CFAP92: variants seen among roughly 807,000 people sequenced by gnomAD.
CFAP92 encodes the protein cilia and flagella associated protein 92 (putative), also known as uncharacterized protein CFAP92.
CFAP92 carries 86 observed loss-of-function variants against 106.3 expected under a neutral mutation model. The ratio of observed to expected loss-of-function variants is 0.81; its 90% CI spans 0.68 to 0.97. CFAP92 has a LOEUF of 0.97. CFAP92 is among the 50% of genes least tolerant of loss of function. The pLI is 0.00. For synonymous variants in CFAP92, 477 were observed against 506.4 expected, an observed-to-expected ratio of 0.94 and a Z score of 0.78; for missense variants, 1,204 against 1,283.8, an observed-to-expected ratio of 0.94 and a Z score of 0.95.
chr3:128,912,489 T>C, intron 15 of CFAP92: 1 of 1,608,062 alleles, frequency 6.2e-7, no homozygotes, highest in South Asian at 1.1e-5. Flanking sequence ...ACCCACCATC[T>C]CTCCTTTTCC....
At chr3:129,013,336 G>C in the CFAP92 span, among the ~76,000 whole-genome samples, 25,638 of 152,124 alleles carry the variant, frequency 0.17, 6,422 homozygotes, top group African/African-American at 0.55. Context: ...ATGACTAAAA[G>C]CACTCTCACT....
At chr3:128,961,836 T>G (rs1309714644) in intron 9 of CFAP92, among the ~76,000 whole-genome samples, 2 of 152,098 alleles carry the variant, frequency 1.3e-5, no homozygotes, top group African/African-American at 4.8e-5. Flanking sequence ...TCCTTCAAGG[T>G]GTACAATAAT....
chr3:128,924,418 TA>T (rs1937524538), intron 12 of CFAP92, among the ~76,000 whole-genome samples: 1 of 143,456 alleles, frequency 7.0e-6, no homozygotes, highest in Non-Finnish European at 1.5e-5. Context: ...CCCAGGCTCA[TA>T]GAACGATTGT....
intron 12 of CFAP92, among the ~76,000 whole-genome samples, chr3:128,924,666 C>T (rs1430260084): frequency 7.3e-5 from 11 of 151,698 alleles, no homozygotes; most frequent in Middle Eastern, 3.2e-3. Context: ...AGGCTAGTCC[C>T]GAACTCCCAA....
chr3:128,915,917 C>G (rs1936778979), intron 13 of CFAP92, 190 bp downstream of exon 13: 2 of 442,396 alleles, frequency 4.5e-6, no homozygotes, highest in East Asian at 3.4e-5. Context: ...TGGGCTTACC[C>G]TCAGGTGTGG....
chr3:128,943,057 T>C (rs1291950426), intron 10 of CFAP92, among the ~76,000 whole-genome samples: 1 of 151,202 alleles, frequency 6.6e-6, no homozygotes, highest in African/African-American at 2.4e-5. Flanking sequence ...GTAGCTGGGA[T>C]TACAGGCACA....
At chr3:128,972,564 G>A (rs34193129) in intron 7 of CFAP92, among the ~76,000 whole-genome samples, 102,490 of 151,090 alleles carry the variant, frequency 0.68, 36,432 homozygotes, top group African/African-American at 0.92. Flanking sequence ...TTTTTAAGAG[G>A]TGATGTTTCG....
chr3:128,942,118 A>G (rs922824173), intron 10 of CFAP92, among the ~76,000 whole-genome samples: 4 of 152,212 alleles, frequency 2.6e-5, no homozygotes, highest in African/African-American at 7.2e-5. Context: ...AAGGTTTCTG[A>G]GACCGCCCTC....
chr3:128,916,860 G>A (rs1218946162), intron 12 of CFAP92, among the ~76,000 whole-genome samples: 1 of 152,174 alleles, frequency 6.6e-6, no homozygotes, highest in African/African-American at 2.4e-5. Flanking sequence ...GGAGAACTGG[G>A]AAAGTTACCA....
intron 12 of CFAP92, among the ~76,000 whole-genome samples, chr3:128,929,898 C>A (rs1248493140): frequency 6.6e-6 from 1 of 152,090 alleles, no homozygotes; most frequent in Admixed American, 6.5e-5. Context: ...TATATACTTA[C>A]AATAGGTGAA....
intron 8 of CFAP92, among the ~76,000 whole-genome samples, chr3:128,966,417 T>C (rs1315315323): frequency 6.6e-6 from 1 of 152,192 alleles, no homozygotes; most frequent in South Asian, 2.1e-4. Flanking sequence ...CAGATACTGA[T>C]GTAGAACACA....
At chr3:129,001,062 C>T (rs1271770231) in intron 1 of CFAP92, among the ~76,000 whole-genome samples, 4 of 152,190 alleles carry the variant, frequency 2.6e-5, no homozygotes, top group African/African-American at 9.7e-5. Flanking sequence ...TACAGGGCGG[C>T]GAGAGCAGGC....
intron 10 of CFAP92, among the ~76,000 whole-genome samples, chr3:128,942,679 C>CTTT (rs113637615): frequency 6.8e-6 from 1 of 146,462 alleles, no homozygotes; most frequent in African/African-American, 2.5e-5. Flanking sequence ...AAAACTCAAT[C>CTTT]TTTTTTTTTT....
At position 128,932,991 on chromosome 3, in the gene CFAP92, G is replaced by A. The variant is rs762304335; in HGVS notation, c.2460C>T (p.His820=). ...GGGTGGTGCTGTTATAGCAGATGTCGTGGATCCTGGAACAAAGAACCACTG... is the reference window on the plus strand; with the variant it reads ...GGGTGGTGCTGTTATAGCAGATGTCATGGATCCTGGAACAAAGAACCACTG... ...RRVFQALARI[H]DICYNSTTLW... The change falls in exon 12 of 16, where the codon CAC becomes CAT. Residue 820 remains histidine (H), a synonymous_variant. Coordinates refer to ENST00000645291, the MANE Select transcript of CFAP92 (RefSeq NM_001394090.1). 32 of 1,535,930 alleles carry A rather than the reference G, an allele frequency of 2.1e-5. No individual in the cohort carries two copies. In the African/African-American group the frequency reaches 3.0e-4, roughly 14 times the overall value.
chr3:128,917,180 C>T (rs1329027477), intron 12 of CFAP92, among the ~76,000 whole-genome samples: 2 of 152,200 alleles, frequency 1.3e-5, no homozygotes, highest in Non-Finnish European at 2.9e-5. Flanking sequence ...AGGGATGCCA[C>T]ATAGAGCAAG....
chr3:128,993,358 C>CT (rs1352389343), intron 1 of CFAP92, 22 bp from the exon 2 acceptor site: 3 of 1,535,282 alleles, frequency 2.0e-6, no homozygotes, highest in Non-Finnish European at 2.6e-6. Context: ...AAAGTGAAGG[C>CT]TGTCCCCGCC....
chr3:129,003,372 A>G, upstream of CFAP92: 1 of 819,866 alleles, frequency 1.2e-6, no homozygotes, highest in Non-Finnish European at 1.5e-6. Context: ...ACCACCCTCA[A>G]AAGCCTCTAG....
chr3:128,961,736 T>TTGAGAATATACAATATACA (rs2107760601), intron 9 of CFAP92, among the ~76,000 whole-genome samples: 1 of 152,312 alleles, frequency 6.6e-6, no homozygotes. Flanking sequence ...TCAATATACA[T>TTGAGAATATACAATATACA]TTTATTACCC....
chr3:128,928,062 C>T (rs1279707627), intron 12 of CFAP92, among the ~76,000 whole-genome samples: 1 of 152,060 alleles, frequency 6.6e-6, no homozygotes, highest in Non-Finnish European at 1.5e-5. Context: ...CCCATCCTGG[C>T]TAACATGGTG....
Sources: gnomAD v4.1 joint callset for allele counts (sites outside exome capture counted in the v4.1 genomes callset) on GRCh38, gnomAD v4.1.1 for gene constraint, MANE v1.5 for transcripts, NCBI Gene and HGNC (gene_info 2026-07-23, HGNC 2026-07-21) for gene names.